APC2: variants seen among roughly 807,000 people sequenced by gnomAD.
APC2 encodes APC regulator of Wnt signaling pathway 2.
APC2 carries 41 observed loss-of-function variants against 72.5 expected under a neutral mutation model. The ratio of observed to expected loss-of-function variants is 0.57; its 90% confidence interval spans 0.44 to 0.73. The LOEUF (loss-of-function observed/expected upper bound fraction) is 0.73, where lower values mean the gene tolerates loss of function less well. Among genes scored for constraint, APC2 ranks in the 30% least tolerant of loss-of-function variants. The pLI is 0.00. For synonymous variants in APC2, 1,898 were observed against 1,612.0 expected, an observed-to-expected ratio of 1.18 and a Z score of -4.25; for missense variants, 3,729 against 3,403.4, an observed-to-expected ratio of 1.10 and a Z score of -2.38.
chr19:1,463,206 C>G (rs1363817298), intron 14 of APC2, among the ~76,000 whole-genome samples: 1 of 151,900 alleles, frequency 6.6e-6, no homozygotes, highest in Non-Finnish European at 1.5e-5. Flanking sequence ...GTCACAAAGT[C>G]AGGAGATCCA....
intron 9 of APC2, chr19:1,457,479 T>C (rs2656873): frequency 0.58 from 343,177 of 591,632 alleles, 100,754 homozygotes; most frequent in East Asian, 0.74. Context: ...GGATGGATCG[T>C]GGGTAACTCT....
At position 1,469,269 on chromosome 19, in the gene APC2, G is replaced by C; in HGVS notation, c.5968G>C (p.Gly1990Arg). 2 of 1,426,748 alleles carry C rather than the reference G, an allele frequency of 1.4e-6. No individual in the cohort carries two copies. The highest frequency in any genetic ancestry group is 1.8e-6 in the Non-Finnish European group (2 of 1,088,164). 88.4% of individuals were successfully genotyped at this position (1,426,748 alleles called of 1,614,324 possible). A position where few individuals can be genotyped will look rare whatever the true frequency, so the allele number is the denominator to read the frequency against. The change falls in exon 15 of 15, where the codon GGC becomes CGC. Residue 1990 changes from glycine to arginine, a missense_variant. Gly to Arg is a moderately radical substitution (Grantham distance 125). Transcript: ENST00000590469. ...CGGCAGCGAGTCCTCCGACCGCTCGGGCTTCCGGCGACAGCTAACCTTCAT... is the reference window on the plus strand; with the variant it reads ...CGGCAGCGAGTCCTCCGACCGCTCGCGCTTCCGGCGACAGCTAACCTTCAT... ...SSGSESSDRS[G>R]FRRQLTFIKE...
rs2084109723 is a variant in APC2, at chr19:1,470,114, C to T, written c.6813C>T (p.Pro2271=). 1 of 1,606,510 alleles carries T rather than the reference C, an allele frequency of 6.2e-7. No individual in the cohort carries two copies. The highest frequency in any genetic ancestry group is 8.5e-7 in the Non-Finnish European group (1 of 1,177,846). The change falls in exon 15 of 15, where the codon CCC becomes CCT. Residue 2271 remains proline (P), a synonymous_variant. Transcript: ENST00000590469. ...CCCCCAGCCGCTCGGCCCGAGTACC[C>T]CCCTTCAACTATGTGCCCAGCCCCA... ...HGSPSRSARV[P]PFNYVPSPMV...
chr19:1,461,272 G>C, intron 13 of APC2, 119 bp downstream of exon 13: 1 of 886,910 alleles, frequency 1.1e-6, no homozygotes, highest in Non-Finnish European at 1.8e-6. Context: ...CTGCTTAGCG[G>C]GTGGTCCAGC....
At position 1,465,083 on chromosome 19, in the gene APC2, C is replaced by G. The variant is rs2668439; in HGVS notation, c.1854-72C>G. 5 of 1,519,000 alleles carry G rather than the reference C, an allele frequency of 3.3e-6. No homozygotes were observed. The South Asian group carries it at 4.9e-5, about 15-fold the overall frequency. 94.1% of individuals were successfully genotyped at this position (1,519,000 alleles called of 1,614,324 possible). ...ATGCGTTTACTTTTACCTGCCACAT[C>G]TGGCCCCCCCATCCTTCGGTGGGCA... On this transcript the variant is annotated intron_variant, in intron 14 of 14. Transcript: ENST00000590469.
upstream of APC2, among the ~76,000 whole-genome samples, chr19:1,446,807 C>T (rs2145166781): frequency 6.6e-6 from 1 of 152,220 alleles, no homozygotes; most frequent in South Asian, 2.1e-4. The surrounding 1 kb of genome is among the most constrained non-coding windows in gnomAD (Gnocchi z 6.1). Flanking sequence ...CCTGCTTTGA[C>T]GTTCGCCGCC....
chr19:1,449,691 C>T (rs992472836), upstream of APC2, among the ~76,000 whole-genome samples: 2 of 152,052 alleles, frequency 1.3e-5, no homozygotes, highest in Admixed American at 6.5e-5. Flanking sequence ...AGCCTGGACC[C>T]GAACCCTGTC....
chr19:1,464,788 A>C (rs1355232308), intron 14 of APC2, among the ~76,000 whole-genome samples: 1 of 151,264 alleles, frequency 6.6e-6, no homozygotes, highest in Non-Finnish European at 1.5e-5. Context: ...GCTCGCCACC[A>C]CACCCAGCTA....
Position 1,465,141 on chromosome 19 carries a change from C to T in APC2, c.1854-14C>T, listed in dbSNP as rs2145228681. ...GTGGGGGGTGGCCCAGGCTAACCCG[C>T]CCTGTGCCTACAGGCAGGTGCTCCG... On this transcript the variant is annotated splice_polypyrimidine_tract_variant and intron_variant, in intron 14 of 14. Transcript: ENST00000590469. 2 of 1,590,192 alleles carry T rather than the reference C, an allele frequency of 1.3e-6. No individual in the cohort carries two copies. The highest frequency in any genetic ancestry group is 1.7e-6 in the Non-Finnish European group (2 of 1,169,018).
In APC2 at chr19:1,468,728, C is replaced by T. The variant is rs1231551854; in HGVS notation, c.5427C>T (p.Pro1809=). 1.3e-6 allele frequency: 2 copies of T among 1,505,274 alleles called. No homozygotes were observed. Among genetic ancestry groups the T allele is most frequent in the Middle Eastern group, 1.8e-4 (1 of 5,574 alleles). 93.2% of individuals were successfully genotyped at this position (1,505,274 alleles called of 1,614,324 possible). Residue 1809 remains proline (P), a synonymous_variant, in exon 15 of 15, where the codon CCC becomes CCT. Coordinates refer to ENST00000590469, the MANE Select transcript of APC2 (RefSeq NM_005883.3). ...PAPRAQPKGT[P]GPRATPRKVA... Reference sequence around the variant, plus strand: ...CCCGTGCCCAGCCCAAAGGGACCCCCGGCCCCCGCGCCACACCGCGGAAGG... The same window carrying T: ...CCCGTGCCCAGCCCAAAGGGACCCCTGGCCCCCGCGCCACACCGCGGAAGG...
At chr19:1,454,614 A>G (rs1359283942) in intron 4 of APC2, among the ~76,000 whole-genome samples, 9 of 136,982 alleles carry the variant, frequency 6.6e-5, no homozygotes, top group African/African-American at 2.6e-4. Flanking sequence ...CCCAAGCTGG[A>G]GTGCAGTGGC....
At chr19:1,464,453 G>A (rs943516342) in intron 14 of APC2, among the ~76,000 whole-genome samples, 1 of 152,018 alleles carries the variant, frequency 6.6e-6, no homozygotes, top group Non-Finnish European at 1.5e-5. Context: ...CCCTTTGGGA[G>A]GCTGAGGCGG....
At chr19:1,460,039 G>A (rs910618479) in intron 10 of APC2, 142 bp from the exon 11 acceptor site, 7 of 1,139,228 alleles carry the variant, frequency 6.1e-6, no homozygotes, top group Non-Finnish European at 7.5e-6. Flanking sequence ...TCCTGGAGGA[G>A]GTCTCAGACT....
chr19:1,453,510 C>A lies in APC2; in HGVS notation c.312C>A (p.Thr104=). 2 of 1,608,328 alleles carry A rather than the reference C, an allele frequency of 1.2e-6. No individual in the cohort carries two copies. The highest frequency in any genetic ancestry group is 1.7e-6 in the Non-Finnish European group (2 of 1,176,902). Residue 104 remains threonine, a synonymous_variant, in exon 4 of 15, where the codon ACC becomes ACA. Transcript: ENST00000590469. ...PTLGPEPAAR[T]PEGSPVHGSG... Reference sequence around the variant, plus strand: ...TGGGCCCGGAGCCTGCCGCCCGGACCCCCGAGGGCAGCCCAGTACACGGCT... The same window carrying A: ...TGGGCCCGGAGCCTGCCGCCCGGACACCCGAGGGCAGCCCAGTACACGGCT...
intron 14 of APC2, 107 bp downstream of exon 14, chr19:1,462,284 A>C: frequency 9.4e-7 from 1 of 1,063,622 alleles, no homozygotes; most frequent in Non-Finnish European, 1.3e-6. Context: ...AGGCTTCCCC[A>C]GGGGCTGCTG....
chr19:1,463,287 G>A (rs962060107), intron 14 of APC2, among the ~76,000 whole-genome samples: 5 of 151,814 alleles, frequency 3.3e-5, no homozygotes, highest in East Asian at 1.9e-4. Flanking sequence ...GCATGGTGGC[G>A]GGCACCTGTG....
chr19:1,457,547 T>C, intron 9 of APC2: 1 of 523,254 alleles, frequency 1.9e-6, no homozygotes, highest in South Asian at 2.4e-5. Flanking sequence ...AAAGTTAATA[T>C]GGGGGCCGGG....
chr19:1,459,473 C>T (rs765953337), intron 10 of APC2, among the ~76,000 whole-genome samples: 1 of 152,180 alleles, frequency 6.6e-6, no homozygotes, highest in Non-Finnish European at 1.5e-5. Flanking sequence ...AGCTGCCCCC[C>T]ACTCCTGGCT....
chr19:1,457,234 G>A lies in APC2; in HGVS notation c.1198G>A (p.Ala400Thr), dbSNP rs1449387053. Residue 400 changes from alanine to threonine, a missense_variant, in exon 9 of 15, where the codon GCC becomes ACC. Physicochemically the swap from Ala to Thr is moderately conservative, Grantham distance 58. Transcript: ENST00000590469. ...AGACGGCGGGCCCGAGGGAGGTGGC[G>A]CCGGCAGCGGTGAGTGCCTGGCCTG... Reference protein sequence around the residue: ...ARDGGPEGGGAGSAPIPIEPQ... With the variant: ...ARDGGPEGGGTGSAPIPIEPQ... 3.3e-6 allele frequency: 5 copies of A among 1,528,918 alleles called. No homozygotes were observed. The highest frequency in any genetic ancestry group is 5.1e-5 in the East Asian group (2 of 39,296). 94.7% of individuals were successfully genotyped at this position (1,528,918 alleles called of 1,614,324 possible).
Sources: gnomAD v4.1 joint callset for allele counts (sites outside exome capture counted in the v4.1 genomes callset) on GRCh38, gnomAD v4.1.1 for gene constraint, Gnocchi (gnomAD v3.1) non-coding constraint, MANE v1.5 for transcripts, NCBI Gene and HGNC (gene_info 2026-07-23, HGNC 2026-07-21) for gene names.